SSTR4: variants seen among roughly 807,000 people sequenced by gnomAD.
The protein encoded by SSTR4 is somatostatin receptor 4.
For missense variants in SSTR4, 649 were observed against 540.6 expected, an observed-to-expected ratio of 1.20 and a Z score of -1.99; for synonymous variants, 272 against 246.3, an observed-to-expected ratio of 1.10 and a Z score of -0.98.
In SSTR4 at chr20:23,035,323, G is replaced by A. The variant is rs954318066; in HGVS notation, c.-161G>A. On this transcript the variant is annotated 5_prime_UTR_variant, in exon 1 of 1. Coordinates refer to ENST00000255008, the MANE Select transcript of SSTR4 (RefSeq NM_001052.4). ...GCGCCCGCGCGGTGGGGCGCGCGGC[G>A]CGGGGATTGGCGGGCGCTCCCCGGT... The A allele has an allele frequency of 6.3e-6, 3 of 473,644 alleles. No individual in the cohort carries two copies. Among genetic ancestry groups the A allele is most frequent in the Admixed American group, 4.9e-5 (1 of 20,542 alleles). The allele number at this position is 473,644 out of a possible 1,614,324, so 29.3% of individuals were successfully genotyped here.
rs375490036 is a variant in SSTR4, at chr20:23,036,104, G to A, written c.621G>A (p.Trp207Ter). Residue 207 changes from tryptophan (W) to a stop codon, truncating the protein, a stop_gained, in exon 1 of 1, where the codon TGG (tryptophan) becomes TGA (stop). Transcript: ENST00000255008. LOFTEE classifies it low-confidence loss of function (END_TRUNC). ...ACNLQWPHPAWSAVFVVYTFL... is the reference protein window; with the variant it reads ...ACNLQWPHPA ...ACCTGCAGTGGCCACACCCGGCCTG[G>A]TCGGCAGTCTTCGTGGTCTACACTT... The A allele has an allele frequency of 1.2e-5, 20 of 1,602,118 alleles. No individual in the cohort carries two copies. Among genetic ancestry groups the A allele is most frequent in the Non-Finnish European group, 1.7e-5 (20 of 1,179,504 alleles).
chr20:23,036,177 C>A lies in SSTR4; in HGVS notation c.694C>A (p.Leu232Met), dbSNP rs749796692. Residue 232 changes from leucine (L) to methionine (M), a missense_variant, in exon 1 of 1, where the codon CTG becomes ATG. Leu to Met is a conservative substitution (Grantham distance 15). Transcript: ENST00000255008. Reference protein sequence around the residue: ...LPVLAIGLCYLLIVGKMRAVA... With the variant: ...LPVLAIGLCYMLIVGKMRAVA... ...CGTGCTGGCCATTGGCCTGTGCTAC[C>A]TGCTCATCGTGGGCAAGATGCGCGC... The A allele has an allele frequency of 1.2e-6, 2 of 1,611,136 alleles. No individual in the cohort carries two copies. The highest frequency in any genetic ancestry group is 2.2e-5 in the South Asian group (2 of 91,000).
chr20:23,036,241 C>A lies in SSTR4; in HGVS notation c.758C>A (p.Ser253Ter), dbSNP rs772013918. ...LRAGWQQRRR[S>*]EKKITRLVLM... Reference sequence around the variant, plus strand: ...GCTGGCTGGCAGCAGCGCAGGCGCTCGGAGAAGAAAATCACCAGGCTGGTG... The same window carrying A: ...GCTGGCTGGCAGCAGCGCAGGCGCTAGGAGAAGAAAATCACCAGGCTGGTG... The change falls in exon 1 of 1, where the codon TCG becomes TAG. Residue 253 changes from serine to a stop codon, truncating the protein, a stop_gained. Coordinates refer to ENST00000255008, the MANE Select transcript of SSTR4 (RefSeq NM_001052.4). LOFTEE classifies it low-confidence loss of function (END_TRUNC). 8 of 1,613,994 alleles carry A rather than the reference C, an allele frequency of 5.0e-6. No homozygotes were observed. In the Middle Eastern group the frequency reaches 6.6e-4, roughly 133 times the overall value.
Position 23,035,561 on chromosome 20 carries a change from T to C in SSTR4, c.78T>C (p.Ser26=), listed in dbSNP as rs775170507. 17 of 1,591,242 alleles carry C rather than the reference T, an allele frequency of 1.1e-5. No individual in the cohort carries two copies. Among genetic ancestry groups the C allele is most frequent in the Non-Finnish European group, 2.6e-6 (3 of 1,171,440 alleles). The change falls in exon 1 of 1, where the codon AGT becomes AGC. Residue 26 remains serine (S), a synonymous_variant. Transcript: ENST00000255008. ...CCTGGCCCTCTGCAGCCAATGCCAGTAGCGCTCCGGCGGAGGCGGAGGAGG... is the reference window on the plus strand; with the variant it reads ...CCTGGCCCTCTGCAGCCAATGCCAGCAGCGCTCCGGCGGAGGCGGAGGAGG... ...GTAWPSAANA[S]SAPAEAEEAV...
At position 23,035,996 on chromosome 20, in the gene SSTR4, G is replaced by A. The variant is rs1441694981; in HGVS notation, c.513G>A (p.Trp171Ter). ...CCAAGCTCATCAACCTGGGCGTGTG[G>A]CTGGCATCCCTGTTGGTCACTCTCC... ...SVAKLINLGV[W>*]LASLLVTLPI... The change falls in exon 1 of 1, where the codon TGG becomes TGA. Residue 171 changes from tryptophan (W) to a stop codon, truncating the protein, a stop_gained. Coordinates refer to ENST00000255008, the MANE Select transcript of SSTR4 (RefSeq NM_001052.4). LOFTEE classifies it low-confidence loss of function (END_TRUNC). The A allele has an allele frequency of 1.3e-6, 2 of 1,599,246 alleles. No homozygotes were observed. Among genetic ancestry groups the A allele is most frequent in the Admixed American group, 1.7e-5 (1 of 59,028 alleles).
In SSTR4 at chr20:23,035,721, A is replaced by G; in HGVS notation, c.238A>G (p.Thr80Ala). ...FVILRYAKMK[T>A]ATNIYLLNLA... ...GATCCTTCGCTACGCCAAGATGAAG[A>G]CGGCTACCAACATCTACCTGCTCAA... The change falls in exon 1 of 1, where the codon ACG (threonine) becomes GCG (alanine). Residue 80 changes from threonine (T) to alanine (A), a missense_variant. By Grantham distance (58) the Thr-to-Ala change is moderately conservative. Coordinates refer to ENST00000255008, the MANE Select transcript of SSTR4 (RefSeq NM_001052.4). 1 of 1,567,138 alleles carries G rather than the reference A, an allele frequency of 6.4e-7. No individual in the cohort carries two copies. The highest frequency in any genetic ancestry group is 1.4e-5 in the African/African-American group (1 of 73,518).
rs1984319248 is a variant in SSTR4 at position 23,036,260 on chromosome 20, G to C, written c.777G>C (p.Arg259Ser). The change falls in exon 1 of 1, where the codon AGG becomes AGC. Residue 259 changes from arginine (R) to serine (S), a missense_variant. Arg to Ser is a moderately radical substitution (Grantham distance 110, BLOSUM62 -1). Coordinates refer to ENST00000255008, the MANE Select transcript of SSTR4 (RefSeq NM_001052.4). ...GGCGCTCGGAGAAGAAAATCACCAG[G>C]CTGGTGCTGATGGTCGTGGTCGTCT... ...QRRRSEKKIT[R>S]LVLMVVVVFV... The C allele has an allele frequency of 6.2e-7, 1 of 1,614,182 alleles. No homozygotes were observed. Among genetic ancestry groups the C allele is most frequent in the African/African-American group, 1.3e-5 (1 of 75,066 alleles).
In SSTR4 at chr20:23,036,557, G is replaced by T. The variant is rs764429359; in HGVS notation, c.1074G>T (p.Gly358=). 2.0e-5 allele frequency: 33 copies of T among 1,611,178 alleles called. No individual in the cohort carries two copies. Among genetic ancestry groups the T allele is most frequent in the African/African-American group, 2.7e-5 (2 of 74,868 alleles). ...ATALKSKGGA[G]CMCPPLPCQQ... The stretch of plus-strand genomic sequence containing the variant: ...CTCTCAAGAGCAAAGGTGGGGCAGG[G>T]TGCATGTGCCCCCCACTCCCCTGCC... The change falls in exon 1 of 1, where the codon GGG becomes GGT. Residue 358 remains glycine, a synonymous_variant. Transcript: ENST00000255008.
Position 23,037,469 on chromosome 20 carries a change from G to A in SSTR4, c.*819G>A, listed in dbSNP as rs1440963927. On this transcript the variant is annotated 3_prime_UTR_variant, in exon 1 of 1. Coordinates refer to ENST00000255008, the MANE Select transcript of SSTR4 (RefSeq NM_001052.4). ...GGTGGTGAGTGAGAGAGGAGCCATGGGCGGGAAAAGCTGACCAGAGAGCAG... is the reference window on the plus strand; with the variant it reads ...GGTGGTGAGTGAGAGAGGAGCCATGAGCGGGAAAAGCTGACCAGAGAGCAG... 8 of 152,162 alleles carry A rather than the reference G, an allele frequency of 5.3e-5. No homozygotes were observed. Among genetic ancestry groups the A allele is most frequent in the Non-Finnish European group, 1.2e-4 (8 of 68,036 alleles). The allele number at this position is 152,162 out of a possible 1,614,324, so 9.4% of individuals were successfully genotyped here. A position where few individuals can be genotyped will look rare whatever the true frequency, so the allele number is the denominator to read the frequency against.
At position 23,036,699 on chromosome 20, in the gene SSTR4, C is replaced by T. The variant is rs1252628536; in HGVS notation, c.*49C>T. Reference sequence around the variant, plus strand: ...GCGTGGCCACCTCCCAAGGGGTGGGCACCATTCCTACAGCCCCGAAGACTG... The same window carrying T: ...GCGTGGCCACCTCCCAAGGGGTGGGTACCATTCCTACAGCCCCGAAGACTG... On this transcript the variant is annotated 3_prime_UTR_variant, in exon 1 of 1. Transcript: ENST00000255008. 2 of 1,511,872 alleles carry T rather than the reference C, an allele frequency of 1.3e-6. No homozygotes were observed. Among genetic ancestry groups the T allele is most frequent in the Non-Finnish European group, 1.8e-6 (2 of 1,129,548 alleles). 93.7% of individuals were successfully genotyped at this position (1,511,872 alleles called of 1,614,324 possible). A position where few individuals can be genotyped will look rare whatever the true frequency, so the allele number is the denominator to read the frequency against.
rs1486231678 is a variant in SSTR4, at chr20:23,038,119, C to T, written c.*1469C>T. On this transcript the variant is annotated 3_prime_UTR_variant, in exon 1 of 1. Transcript: ENST00000255008. ...CCATCTCTAATTTGTTGGCACCCAC[C>T]AGGGATACCTTGGGCATCTGAAGTC... The T allele has an allele frequency of 6.6e-6, 1 of 152,316 alleles. No individual in the cohort carries two copies. Among genetic ancestry groups the T allele is most frequent in the East Asian group, 1.9e-4 (1 of 5,174 alleles). 9.4% of individuals were successfully genotyped at this position (152,316 alleles called of 1,614,324 possible). A position where few individuals can be genotyped will look rare whatever the true frequency, so the allele number is the denominator to read the frequency against.
In SSTR4 at chr20:23,036,107, G is replaced by C. The variant is rs1396059572; in HGVS notation, c.624G>C (p.Ser208=). Residue 208 remains serine, a synonymous_variant, in exon 1 of 1, where the codon TCG becomes TCC. Transcript: ENST00000255008. ...CNLQWPHPAW[S]AVFVVYTFLL... is the part of the protein sequence containing the mutation. ...TGCAGTGGCCACACCCGGCCTGGTC[G>C]GCAGTCTTCGTGGTCTACACTTTCC... 7 of 1,602,138 alleles carry C rather than the reference G, an allele frequency of 4.4e-6. No homozygotes were observed. The highest frequency in any genetic ancestry group is 1.1e-5 in the South Asian group (1 of 90,964).
At position 23,035,391 on chromosome 20, in the gene SSTR4, C is replaced by A; in HGVS notation, c.-93C>A. 3 of 979,204 alleles carry A rather than the reference C, an allele frequency of 3.1e-6. No individual in the cohort carries two copies. The highest frequency in any genetic ancestry group is 5.1e-5 in the South Asian group (1 of 19,504). 60.7% of individuals were successfully genotyped at this position (979,204 alleles called of 1,614,324 possible). On this transcript the variant is annotated 5_prime_UTR_variant, in exon 1 of 1. Transcript: ENST00000255008. ...GTAGCCGGGAAGAGCCGCGCGTCTG[C>A]GCGCCAGCCCCCGCCCTGGGCCCGC... is the stretch of plus-strand genomic sequence containing the variant.
Position 23,036,406 on chromosome 20 carries a change from C to G in SSTR4, c.923C>G (p.Pro308Arg). 6.2e-7 allele frequency: 1 copy of G among 1,614,106 alleles called. No homozygotes were observed. Among genetic ancestry groups the G allele is most frequent in the Non-Finnish European group, 8.5e-7 (1 of 1,179,984 alleles). Residue 308 changes from proline to arginine, a missense_variant, in exon 1 of 1, where the codon CCC (proline) becomes CGC (arginine). Coordinates refer to ENST00000255008, the MANE Select transcript of SSTR4 (RefSeq NM_001052.4). ...AGCTATGCCAACAGCTGCGCCAACCCCATTCTCTATGGCTTCCTCTCCGAC... is the reference window on the plus strand; with the variant it reads ...AGCTATGCCAACAGCTGCGCCAACCGCATTCTCTATGGCTTCCTCTCCGAC... The part of the protein sequence containing the change: ...ILSYANSCAN[P>R]ILYGFLSDNF...
At position 23,038,072 on chromosome 20, in the gene SSTR4, T is replaced by C. The variant is rs1233920136; in HGVS notation, c.*1422T>C. 6.6e-6 allele frequency among the ~76,000 whole-genome samples: 1 copy of C among 152,186 alleles called. No individual in the cohort carries two copies. Among genetic ancestry groups the C allele is most frequent in the Non-Finnish European group, 1.5e-5 (1 of 68,020 alleles). On this transcript the variant is annotated 3_prime_UTR_variant, in exon 1 of 1. Coordinates refer to ENST00000255008, the MANE Select transcript of SSTR4 (RefSeq NM_001052.4). ...AACCCTCTGATCCTGCAAACACACATGCACACACACAGAGACATCAACCAT... is the reference window on the plus strand; with the variant it reads ...AACCCTCTGATCCTGCAAACACACACGCACACACACAGAGACATCAACCAT...
Position 23,035,594 on chromosome 20 carries a change from G to T in SSTR4, c.111G>T (p.Ala37=). ...CGGCGGAGGCGGAGGAGGCGGTGGC[G>T]GGGCCCGGGGACGCGCGGGCGGCGG... ...SAPAEAEEAV[A]GPGDARAAGM... The change falls in exon 1 of 1, where the codon GCG becomes GCT. Residue 37 remains alanine, a synonymous_variant. Transcript: ENST00000255008. The T allele has an allele frequency of 1.1e-5, 17 of 1,560,600 alleles. No individual in the cohort carries two copies. Among genetic ancestry groups the T allele is most frequent in the Non-Finnish European group, 1.5e-5 (17 of 1,157,756 alleles).
In SSTR4 at chr20:23,035,856, G is replaced by C; in HGVS notation, c.373G>C (p.Val125Leu). 1.2e-6 allele frequency: 2 copies of C among 1,607,070 alleles called. No homozygotes were observed. Among genetic ancestry groups the C allele is most frequent in the Non-Finnish European group, 1.7e-6 (2 of 1,176,682 alleles). Reference sequence around the variant, plus strand: ...CGTGCTGTGCCGCGCGGTGCTCAGCGTCGACGGCCTCAACATGTTCACCAG... The same window carrying C: ...CGTGCTGTGCCGCGCGGTGCTCAGCCTCGACGGCCTCAACATGTTCACCAG... ...GSVLCRAVLS[V>L]DGLNMFTSVF... The change falls in exon 1 of 1, where the codon GTC becomes CTC. Residue 125 changes from valine (V) to leucine (L), a missense_variant. Transcript: ENST00000255008.
At position 23,036,619 on chromosome 20, in the gene SSTR4, G is replaced by A. The variant is rs372339309; in HGVS notation, c.1136G>A (p.Arg379His). 16 of 1,567,590 alleles carry A rather than the reference G, an allele frequency of 1.0e-5. No homozygotes were observed. In the African/African-American group the frequency reaches 1.4e-4, roughly 13 times the overall value. Residue 379 changes from arginine (R) to histidine (H), a missense_variant, in exon 1 of 1, where the codon CGC becomes CAC. By Grantham distance (29) the Arg-to-His change is conservative (BLOSUM62 0). Transcript: ENST00000255008. ...EALQPEPGRKRIPLTRTTTF is the reference protein window; with the variant it reads ...EALQPEPGRKHIPLTRTTTF ...CTGCAACCAGAACCCGGCCGCAAGC[G>A]CATCCCCCTCACCAGGACCACCACC...
chr20:23,036,356 CG>C lies in SSTR4; in HGVS notation c.874del (p.Val292SerfsTer179). ...NLFVTSLDAT[V>X]NHVSLILSYA... ...TCTTCGTGACCAGCCTTGATGCCAC[CG>C]TCAACCACGTGTCCCTTATCCTTAG... On this transcript the variant is annotated frameshift_variant, in exon 1 of 1. Transcript: ENST00000255008. LOFTEE classifies it low-confidence loss of function (END_TRUNC). The C allele has an allele frequency of 6.2e-7, 1 of 1,614,116 alleles. No homozygotes were observed. Among genetic ancestry groups the C allele is most frequent in the Non-Finnish European group, 8.5e-7 (1 of 1,180,000 alleles).
Sources: allele counts gnomAD v4.1 joint callset (sites outside exome capture counted in the v4.1 genomes callset), GRCh38; gene constraint gnomAD v4.1.1; transcripts MANE v1.5; gene names NCBI Gene and HGNC (gene_info 2026-07-23, HGNC 2026-07-21).